Variants in CYFIP2 observed in about 807,000 individuals in gnomAD.
CYFIP2 encodes the protein cytoplasmic FMR1-interacting protein 2.
In CYFIP2, 29 loss-of-function variants were observed where a neutral mutation model predicts 158.7. The observed-to-expected ratio is 0.18, with a 90% CI of 0.14 to 0.25. CYFIP2 has a LOEUF of 0.25. CYFIP2 is among the 10% of genes least tolerant of loss of function. The pLI is 1.00. For missense variants in CYFIP2, 852 were observed against 1,639.5 expected (o/e 0.52, Z 8.29); for synonymous variants, 585 against 617.6 (o/e 0.95, Z 0.78).
At chr5:157,279,627 A>G (rs561875486) in intron 1 of CYFIP2, among the ~76,000 whole-genome samples, 5 of 152,350 alleles carry the variant, frequency 3.3e-5, no homozygotes, top group African/African-American at 1.2e-4. Flanking sequence ...TGGTGAAACC[A>G]GGCCACCGAC....
chr5:157,299,937 A>G (rs1371106069), intron 5 of CYFIP2, among the ~76,000 whole-genome samples: 1 of 152,134 alleles, frequency 6.6e-6, no homozygotes, highest in Admixed American at 6.5e-5. Context: ...TAGAATGTAA[A>G]TTCCTGAAGG....
intron 1 of CYFIP2, among the ~76,000 whole-genome samples, chr5:157,283,936 C>T (rs1305166061): frequency 3.3e-5 from 5 of 152,110 alleles, no homozygotes; most frequent in African/African-American, 1.2e-4. Context: ...AAATCCCAGC[C>T]CCAGGATCTC....
intron 1 of CYFIP2, among the ~76,000 whole-genome samples, chr5:157,275,159 C>T (rs1338956612): frequency 6.6e-6 from 1 of 152,084 alleles, no homozygotes. Flanking sequence ...TTCTTGATGG[C>T]GTCCTTTGAA....
intron 4 of CYFIP2, among the ~76,000 whole-genome samples, chr5:157,295,804 C>T (rs1206470505): frequency 6.6e-6 from 1 of 152,204 alleles, no homozygotes; most frequent in African/African-American, 2.4e-5. Context: ...GAAGAATGTC[C>T]CTGTGCTTAC....
chr5:157,349,056 CA>C (rs749880247), intron 23 of CYFIP2, among the ~76,000 whole-genome samples: 5 of 152,142 alleles, frequency 3.3e-5, no homozygotes, highest in Non-Finnish European at 7.3e-5. Context: ...ACTGGGACTA[CA>C]GGCATTAGCC....
intron 1 of CYFIP2, chr5:157,271,312 C>T (rs1396072223): frequency 6.6e-6 from 1 of 152,274 alleles, no homozygotes; most frequent in Non-Finnish European, 1.5e-5. Flanking sequence ...TGGAATGTCT[C>T]AACTGTAGTC....
chr5:157,266,665 C>G lies in CYFIP2; in HGVS notation c.-24+470C>G, dbSNP rs573211853. 8.1e-4 allele frequency: 123 copies of G among 152,708 alleles called. No homozygotes were observed. Among genetic ancestry groups the G allele is most frequent in the African/African-American group, 2.8e-3 (118 of 41,574 alleles). 9.5% of individuals were successfully genotyped at this position (152,708 alleles called of 1,614,324 possible). Reference sequence around the variant, plus strand: ...AGGGCCAGCGAGAGCCGCCTGGGCCCGCCTGGCAGCCGCCTCGGGCACACA... The same window carrying G: ...AGGGCCAGCGAGAGCCGCCTGGGCCGGCCTGGCAGCCGCCTCGGGCACACA... On this transcript the variant is annotated intron_variant, in intron 1 of 30. Transcript: ENST00000620254. The surrounding 1 kb of genome is among the most constrained non-coding windows in gnomAD (Gnocchi z 4.2).
intron 23 of CYFIP2, among the ~76,000 whole-genome samples, chr5:157,355,850 A>G (rs1339284293): frequency 6.6e-6 from 1 of 152,184 alleles, no homozygotes; most frequent in Non-Finnish European, 1.5e-5. Flanking sequence ...CATGAGCACT[A>G]TGTTCCCATG....
intron 15 of CYFIP2, among the ~76,000 whole-genome samples, chr5:157,323,244 A>G (rs577068557): frequency 1.3e-5 from 2 of 152,234 alleles, no homozygotes; most frequent in African/African-American, 4.8e-5. Context: ...GTAAGTACCA[A>G]TGTTAACCCG....
intron 26 of CYFIP2, among the ~76,000 whole-genome samples, chr5:157,371,314 T>TG (rs2113443124): frequency 6.6e-6 from 1 of 152,228 alleles, no homozygotes; most frequent in Admixed American, 6.5e-5. Flanking sequence ...CCCTGTGGGG[T>TG]GCCTGGACCT....
chr5:157,307,907 C>T, intron 9 of CYFIP2, 42 bp downstream of exon 9: 2 of 1,165,524 alleles, frequency 1.7e-6, no homozygotes, highest in African/African-American at 1.5e-5. Context: ...GCTGAGGTTA[C>T]CAGCGCCAAG....
At chr5:157,372,381 T>C (rs149418286) in intron 26 of CYFIP2, among the ~76,000 whole-genome samples, 227 of 152,324 alleles carry the variant, frequency 1.5e-3, no homozygotes, top group Non-Finnish European at 2.5e-3. Context: ...AAAATGTTCA[T>C]TTTGACTGTA....
At position 157,385,987 on chromosome 5, in the gene CYFIP2, G is replaced by A. The variant is rs182432990; in HGVS notation, c.3207+2628G>A. On this transcript the variant is annotated intron_variant, in intron 28 of 30. Transcript: ENST00000620254. Reference sequence around the variant, plus strand: ...CATAACACCAAACTGCAAATTGAGGGTATTTGCAGGAAGCGAGCTATAAAG... The same window carrying A: ...CATAACACCAAACTGCAAATTGAGGATATTTGCAGGAAGCGAGCTATAAAG... 9.5e-4 allele frequency among the ~76,000 whole-genome samples: 144 copies of A among 152,122 alleles called. 1 individual carries two copies. The highest frequency in any genetic ancestry group is 1.0e-3 in the Non-Finnish European group (70 of 68,016).
At chr5:157,294,638 G>T in intron 3 of CYFIP2, 145 bp from the exon 4 acceptor site, 1 of 556,120 alleles carries the variant, frequency 1.8e-6, no homozygotes, top group Non-Finnish European at 3.2e-6. Context: ...AGGGACCTGA[G>T]ATTCTCCATT....
chr5:157,293,430 CTG>C (rs1561697959), intron 3 of CYFIP2, among the ~76,000 whole-genome samples: 1 of 152,158 alleles, frequency 6.6e-6, no homozygotes, highest in Non-Finnish European at 1.5e-5. Flanking sequence ...TGAGTCATCA[CTG>C]TATTTTTTCA....
chr5:157,269,180 G>A (rs1207249387), intron 1 of CYFIP2, among the ~76,000 whole-genome samples: 4 of 151,950 alleles, frequency 2.6e-5, no homozygotes, highest in African/African-American at 7.3e-5. Context: ...TTTACCGGCC[G>A]AAGGAAGGGA....
chr5:157,272,700 A>G lies in CYFIP2; in HGVS notation c.-24+6505A>G, dbSNP rs527635102. On this transcript the variant is annotated intron_variant, in intron 1 of 30. Transcript: ENST00000620254. ...CTCCCCTGCCCCCGTCTCTCAAGAT[A>G]GGAAGAGCTCTATTTTAACCTAAAT... Among the ~76,000 whole-genome samples the G allele has an allele frequency of 1.3e-3, 205 of 152,228 alleles. 1 individual carries two copies. Among genetic ancestry groups the G allele is most frequent in the African/African-American group, 4.6e-3 (193 of 41,532 alleles).
rs116723428 is a variant in CYFIP2, at chr5:157,296,126, G to A, written c.286-547G>A. Among the ~76,000 whole-genome samples the A allele has an allele frequency of 2.5e-3, 384 of 152,348 alleles. 3 individuals are homozygous for A. The highest frequency in any genetic ancestry group is 9.0e-3 in the African/African-American group (375 of 41,592). ...GGGCACAGAACTGAGAAAAAGGAAG[G>A]AGGGTTCTGTTCTTGGGACCAACTG... On this transcript the variant is annotated intron_variant, in intron 4 of 30. Transcript: ENST00000620254.
chr5:157,287,121 G>A lies in CYFIP2; in HGVS notation c.207+13G>A. 6.2e-7 allele frequency: 1 copy of A among 1,610,928 alleles called. No homozygotes were observed. Among genetic ancestry groups the A allele is most frequent in the Non-Finnish European group, 8.5e-7 (1 of 1,177,554 alleles). On this transcript the variant is annotated intron_variant, in intron 3 of 30. Coordinates refer to ENST00000620254, the MANE Select transcript of CYFIP2 (RefSeq NM_001037333.3). ...CCACTCCAGCATGGTAAGTCTCTGTGACCCACGTGTGCAGACATGCTCCCT... is the reference window on the plus strand; with the variant it reads ...CCACTCCAGCATGGTAAGTCTCTGTAACCCACGTGTGCAGACATGCTCCCT...
Sources: gnomAD v4.1 joint callset for allele counts (sites outside exome capture counted in the v4.1 genomes callset) on GRCh38, gnomAD v4.1.1 for gene constraint, Gnocchi (gnomAD v3.1) non-coding constraint, MANE v1.5 for transcripts, NCBI Gene and HGNC (gene_info 2026-07-23, HGNC 2026-07-21) for gene names.